CPNE4: variants seen among roughly 807,000 people sequenced by gnomAD.
The protein encoded by CPNE4 is copine 4.
A neutral mutation model predicts 67.9 loss-of-function variants in CPNE4; 25 were observed. The ratio of observed to expected loss-of-function variants is 0.37; its 90% CI spans 0.27 to 0.51. CPNE4 has a LOEUF of 0.51. Among genes scored for constraint, CPNE4 ranks in the 20% least tolerant of loss-of-function variants. CPNE4 has a pLI of 0.93. For synonymous variants in CPNE4, 242 were observed against 244.9 expected (o/e 0.99, Z 0.11); for missense variants, 464 against 690.8 (o/e 0.67, Z 3.68).
intron 2 of CPNE4, among the ~76,000 whole-genome samples, chr3:131,818,417 G>T (rs1212180344): frequency 1.3e-5 from 2 of 152,132 alleles, no homozygotes; most frequent in Admixed American, 1.3e-4. Context: ...GAATTTTTGT[G>T]CTCTTCTGTT....
chr3:131,741,896 C>T (rs969758712), intron 2 of CPNE4, among the ~76,000 whole-genome samples: 36 of 152,306 alleles, frequency 2.4e-4, no homozygotes, highest in Admixed American at 2.0e-3. Context: ...TTATTGGAAA[C>T]ATATGAGTTC....
rs569914885 is a variant in CPNE4 at position 132,016,723 on chromosome 3, T to A, written c.-2+17844A>T. On this transcript the variant is annotated intron_variant, in intron 1 of 15. Transcript: ENST00000429747. Reference sequence around the variant, plus strand: ...GGAAACCTAGTTTACTCTCCTTCTCTATAAGTCTTTCTCAAACCCACCCAT... The same window carrying A: ...GGAAACCTAGTTTACTCTCCTTCTCAATAAGTCTTTCTCAAACCCACCCAT... 6.6e-5 allele frequency among the ~76,000 whole-genome samples: 10 copies of A among 152,336 alleles called. No individual in the cohort carries two copies. In the South Asian group the frequency reaches 1.5e-3, roughly 22 times the overall value.
intron 2 of CPNE4, among the ~76,000 whole-genome samples, chr3:131,743,796 T>C (rs2082409285): frequency 1.3e-5 from 2 of 151,574 alleles, no homozygotes; most frequent in African/African-American, 4.8e-5. Context: ...ACCCCGTCTC[T>C]ACTAAAAATA....
At chr3:131,955,658 T>C (rs937198186) in intron 1 of CPNE4, among the ~76,000 whole-genome samples, 8 of 152,068 alleles carry the variant, frequency 5.3e-5, no homozygotes, top group African/African-American at 1.7e-4. Flanking sequence ...ACCAGACAGA[T>C]ACATTTCCAC....
chr3:131,861,870 A>T lies in CPNE4; in HGVS notation c.180+43394T>A, dbSNP rs62280910. ...AAAAATGGGCAAGCTTTGGCCAGAA[A>T]ATGCACAAAAGATAAATAAAGCCAT... On this transcript the variant is annotated intron_variant, in intron 2 of 15. Coordinates refer to ENST00000429747, the MANE Select transcript of CPNE4 (RefSeq NM_130808.3). 3.5e-3 allele frequency among the ~76,000 whole-genome samples: 539 copies of T among 152,338 alleles called. 5 individuals carry two copies. Among genetic ancestry groups the T allele is most frequent in the Non-Finnish European group, 4.9e-3 (336 of 68,018 alleles).
chr3:131,592,887 C>T (rs1938622446), intron 7 of CPNE4, among the ~76,000 whole-genome samples: 4 of 152,172 alleles, frequency 2.6e-5, no homozygotes, highest in Admixed American at 2.6e-4. Context: ...CTGGGGTCTT[C>T]AGCTCTGTCT....
At chr3:131,892,693 T>C (rs1433442285) in intron 2 of CPNE4, among the ~76,000 whole-genome samples, 2 of 151,924 alleles carry the variant, frequency 1.3e-5, no homozygotes, top group Admixed American at 6.6e-5. Context: ...AAAATATAAA[T>C]GGAGGGCAGA....
chr3:131,912,740 C>T (rs752111873), intron 1 of CPNE4, among the ~76,000 whole-genome samples: 6 of 152,130 alleles, frequency 3.9e-5, no homozygotes, highest in Non-Finnish European at 8.8e-5. Flanking sequence ...ATGAGATAGT[C>T]CACCTGCCTG....
intron 2 of CPNE4, among the ~76,000 whole-genome samples, chr3:131,779,368 T>C (rs545141824): frequency 3.3e-5 from 5 of 152,130 alleles, no homozygotes; most frequent in Admixed American, 1.3e-4. Context: ...AGAACCTGAA[T>C]AGCCAAATCA....
intron 1 of CPNE4, among the ~76,000 whole-genome samples, chr3:131,991,676 G>A (rs1259364516): frequency 7.4e-6 from 1 of 135,980 alleles, no homozygotes; most frequent in African/African-American, 2.5e-5. Flanking sequence ...AGAAATTTGA[G>A]TAAGTAATCA....
At chr3:131,566,555 G>T (rs1293479275) in intron 10 of CPNE4, among the ~76,000 whole-genome samples, 1 of 151,900 alleles carries the variant, frequency 6.6e-6, no homozygotes, top group East Asian at 1.9e-4. Context: ...AGCACCTCAG[G>T]ATCCACCAAT....
chr3:131,978,201 T>TA (rs1560721217), intron 1 of CPNE4, among the ~76,000 whole-genome samples: 7 of 53,436 alleles, frequency 1.3e-4, no homozygotes, highest in African/African-American at 9.1e-4. Context: ...TTTATAATTA[T>TA]TATATATAAT....
intron 5 of CPNE4, among the ~76,000 whole-genome samples, chr3:131,693,480 A>G (rs538907628): frequency 5.4e-4 from 82 of 152,234 alleles, no homozygotes; most frequent in Non-Finnish European, 9.7e-4. Flanking sequence ...ATTAGTTTAC[A>G]TTTTTGCAAA....
intron 2 of CPNE4, among the ~76,000 whole-genome samples, chr3:131,761,618 G>A (rs1015180539): frequency 3.3e-5 from 5 of 151,998 alleles, no homozygotes; most frequent in African/African-American, 1.2e-4. Flanking sequence ...ATCATTACAT[G>A]GTTTAGGTCA....
chr3:131,791,236 T>G (rs927667132), intron 2 of CPNE4, among the ~76,000 whole-genome samples: 7 of 152,190 alleles, frequency 4.6e-5, no homozygotes, highest in African/African-American at 1.7e-4. Context: ...ACTGAGAAAT[T>G]TTTTCTTATA....
At chr3:131,766,761 G>T (rs2107824770) in intron 2 of CPNE4, among the ~76,000 whole-genome samples, 1 of 152,266 alleles carries the variant, frequency 6.6e-6, no homozygotes, top group African/African-American at 2.4e-5. Flanking sequence ...AATCATATAT[G>T]TAATGAAATC....
At chr3:131,624,460 G>C (rs2079008563) in intron 7 of CPNE4, among the ~76,000 whole-genome samples, 2 of 152,034 alleles carry the variant, frequency 1.3e-5, no homozygotes, top group South Asian at 2.1e-4. Flanking sequence ...ACCATGAAAA[G>C]TATACCCTTT....
chr3:131,623,747 G>C (rs1359001171), intron 7 of CPNE4, among the ~76,000 whole-genome samples: 1 of 152,174 alleles, frequency 6.6e-6, no homozygotes, highest in Non-Finnish European at 1.5e-5. Flanking sequence ...ACCAAAATCT[G>C]CATTTAAACA....
intron 1 of CPNE4, among the ~76,000 whole-genome samples, chr3:131,919,441 G>A (rs2070679985): frequency 6.6e-6 from 1 of 152,116 alleles, no homozygotes; most frequent in African/African-American, 2.4e-5. Flanking sequence ...AAACAAAATA[G>A]GCTAAATACA....
Sources: gnomAD v4.1 joint callset for allele counts (sites outside exome capture counted in the v4.1 genomes callset) on GRCh38, gnomAD v4.1.1 for gene constraint, MANE v1.5 for transcripts, NCBI Gene and HGNC (gene_info 2026-07-23, HGNC 2026-07-21) for gene names.